The following MRRF variants were observed in gnomAD, a reference collection of about 807,000 sequenced individuals.
MRRF encodes the protein ribosome-recycling factor, mitochondrial.
MRRF carries 18 observed loss-of-function variants against 25.1 expected under a neutral mutation model. That is an observed-to-expected ratio of 0.72 (90% CI 0.50 to 1.06). The LOEUF (loss-of-function observed/expected upper bound fraction) is 1.06. MRRF is among the 50% of genes least tolerant of loss of function. The probability of loss-of-function intolerance (pLI) is 0.00; values close to 1 mark genes in which losing one functional copy is unlikely to be tolerated. For missense variants in MRRF, 323 were observed against 319.3 expected (o/e 1.01, Z -0.09); for synonymous variants, 113 against 112.1 (o/e 1.01, Z -0.05).
intron 5 of MRRF, among the ~76,000 whole-genome samples, chr9:122,296,153 C>T (rs1232741253): frequency 1.3e-5 from 2 of 151,666 alleles, no homozygotes; most frequent in Non-Finnish European, 2.9e-5. Flanking sequence ...TTTTTTTTAT[C>T]GTGGCTGTCT....
At position 122,323,104 on chromosome 9, in the gene MRRF, T is replaced by C. The variant is rs568530728; in HGVS notation, c.*487T>C. ...AAGGAAAGAATAGAGTTGGTCTGGATTGATGATCACTGAGGATCTGTATGT... is the reference window on the plus strand; with the variant it reads ...AAGGAAAGAATAGAGTTGGTCTGGACTGATGATCACTGAGGATCTGTATGT... On this transcript the variant is annotated 3_prime_UTR_variant, in exon 7 of 7. Coordinates refer to ENST00000344641, the MANE Select transcript of MRRF (RefSeq NM_138777.5). 5.0e-5 allele frequency: 10 copies of C among 200,854 alleles called. No homozygotes were observed. In the East Asian group the frequency reaches 9.0e-4, roughly 18 times the overall value. 12.4% of individuals were successfully genotyped at this position (200,854 alleles called of 1,614,324 possible).
chr9:122,266,630 T>C (rs927172438), intron 1 of MRRF, among the ~76,000 whole-genome samples: 3 of 152,242 alleles, frequency 2.0e-5, no homozygotes, highest in African/African-American at 7.2e-5. Context: ...GAAGTGCTTA[T>C]GTTATAAGCT....
chr9:122,280,640 A>C lies in MRRF; in HGVS notation c.340+42A>C, dbSNP rs1321671187. 1.9e-6 allele frequency: 3 copies of C among 1,599,504 alleles called. No individual in the cohort carries two copies. In the African/African-American group the frequency reaches 4.0e-5, roughly 21 times the overall value. ...ATGTTCTGGGGAGGGATGTAATGGA[A>C]AGAGCATGGGTTTGGCAGAGTTGAG... On this transcript the variant is annotated intron_variant, in intron 3 of 6. Coordinates refer to ENST00000344641, the MANE Select transcript of MRRF (RefSeq NM_138777.5).
At chr9:122,284,327 C>T (rs1215723173) in intron 3 of MRRF, among the ~76,000 whole-genome samples, 1 of 152,110 alleles carries the variant, frequency 6.6e-6, no homozygotes, top group East Asian at 1.9e-4. Flanking sequence ...CTCTTGTTAC[C>T]CCTATGATCT....
At chr9:122,273,911 C>T (rs550228256) in intron 2 of MRRF, among the ~76,000 whole-genome samples, 9 of 152,226 alleles carry the variant, frequency 5.9e-5, no homozygotes, top group African/African-American at 2.2e-4. Context: ...GTATATACCA[C>T]AATTTAATAT....
intron 2 of MRRF, among the ~76,000 whole-genome samples, chr9:122,273,972 CAAAT>C (rs1260026810): frequency 6.6e-6 from 1 of 152,148 alleles, no homozygotes; most frequent in Non-Finnish European, 1.5e-5. Flanking sequence ...TGAGCTAAAA[CAAAT>C]AATGCTAGTA....
intron 4 of MRRF, among the ~76,000 whole-genome samples, chr9:122,288,931 C>T (rs1163157131): frequency 6.6e-6 from 1 of 152,170 alleles, no homozygotes; most frequent in Non-Finnish European, 1.5e-5. Context: ...TTAGTTATGT[C>T]ATCATTTGAG....
At position 122,327,385 on chromosome 9, in the gene MRRF, A is replaced by G. The variant is rs746031133; in HGVS notation, c.*4768A>G. The G allele has an allele frequency of 2.0e-5, 3 of 152,308 alleles. No homozygotes were observed. Among genetic ancestry groups the G allele is most frequent in the African/African-American group, 4.8e-5 (2 of 41,548 alleles). The allele number at this position is 152,308 out of a possible 1,614,324, so 9.4% of individuals were successfully genotyped here. ...ACTCAGTGAAACTTTGCGGTTAGAC[A>G]AAGAGTGATCATAAAAGCTTGTATC... On this transcript the variant is annotated 3_prime_UTR_variant, in exon 7 of 7. Coordinates refer to ENST00000344641, the MANE Select transcript of MRRF (RefSeq NM_138777.5).
intron 1 of MRRF, among the ~76,000 whole-genome samples, chr9:122,266,493 G>A (rs1309029307): frequency 6.6e-6 from 1 of 152,206 alleles, no homozygotes; most frequent in African/African-American, 2.4e-5. Context: ...CTGGAGAAGT[G>A]AAAGATCACT....
At chr9:122,303,877 A>G (rs1006364412) in intron 5 of MRRF, among the ~76,000 whole-genome samples, 22 of 152,170 alleles carry the variant, frequency 1.4e-4, no homozygotes, top group African/African-American at 4.3e-4. Flanking sequence ...CGTGAAACCT[A>G]CTTCCTTTCA....
intron 4 of MRRF, among the ~76,000 whole-genome samples, chr9:122,288,080 A>G (rs1341671312): frequency 6.6e-6 from 1 of 152,214 alleles, no homozygotes; most frequent in Non-Finnish European, 1.5e-5. Flanking sequence ...TGCATTGAAG[A>G]CAGAAAACTG....
intron 5 of MRRF, among the ~76,000 whole-genome samples, chr9:122,307,193 G>A (rs758816484): frequency 2.0e-5 from 3 of 152,180 alleles, no homozygotes; most frequent in African/African-American, 4.8e-5. Context: ...AAGCAGGAAC[G>A]TGGTGCTGCT....
chr9:122,320,632 A>G (rs1456275270), intron 6 of MRRF, among the ~76,000 whole-genome samples: 1 of 152,240 alleles, frequency 6.6e-6, no homozygotes. Context: ...CCACTCTTGC[A>G]GTGTGTCTGG....
chr9:122,273,483 G>T (rs1832588846), intron 2 of MRRF, among the ~76,000 whole-genome samples: 1 of 149,188 alleles, frequency 6.7e-6, no homozygotes, highest in Admixed American at 6.7e-5. Context: ...TATTTAATCA[G>T]TTCTTTAATC....
In MRRF at chr9:122,285,155, A is replaced by G. The variant is rs994338154; in HGVS notation, c.341-14A>G. The G allele has an allele frequency of 1.3e-6, 2 of 1,542,976 alleles. No homozygotes were observed. The highest frequency in any genetic ancestry group is 1.8e-6 in the Non-Finnish European group (2 of 1,115,408). On this transcript the variant is annotated splice_polypyrimidine_tract_variant and intron_variant, in intron 3 of 6. Transcript: ENST00000344641. ...GTTCTTTGGAATTCTAAAACTCTGTAATTTTTCTTTTAGGATCCCTTGACA... is the reference window on the plus strand; with the variant it reads ...GTTCTTTGGAATTCTAAAACTCTGTGATTTTTCTTTTAGGATCCCTTGACA...
chr9:122,298,785 A>G (rs1834249555), intron 5 of MRRF, among the ~76,000 whole-genome samples: 1 of 152,170 alleles, frequency 6.6e-6, no homozygotes. Context: ...CAACACACAC[A>G]TATAGTTTGT....
chr9:122,313,469 A>G (rs1468667733), intron 6 of MRRF, 83 bp downstream of exon 6: 1 of 1,407,666 alleles, frequency 7.1e-7, no homozygotes, highest in Non-Finnish European at 1.0e-6. Context: ...GACAGTTAAA[A>G]CAGAATACCT....
chr9:122,267,433 A>G (rs1260737127), intron 1 of MRRF, among the ~76,000 whole-genome samples: 2 of 152,046 alleles, frequency 1.3e-5, no homozygotes, highest in East Asian at 1.9e-4. Context: ...AATAGCTACA[A>G]TTTATTGTGT....
intron 1 of MRRF, among the ~76,000 whole-genome samples, chr9:122,269,423 C>T (rs1405997002): frequency 6.6e-6 from 1 of 151,454 alleles, no homozygotes; most frequent in Non-Finnish European, 1.5e-5. Context: ...TGTGTCTGAC[C>T]CTGGCATAAA....
Sources: allele counts gnomAD v4.1 joint callset (sites outside exome capture counted in the v4.1 genomes callset), GRCh38; gene constraint gnomAD v4.1.1; transcripts MANE v1.5; gene names NCBI Gene and HGNC (gene_info 2026-07-23, HGNC 2026-07-21).